Variants in ZDHHC20 observed in about 807,000 individuals in gnomAD.
ZDHHC20 encodes the protein palmitoyltransferase ZDHHC20.
ZDHHC20 carries 43 observed loss-of-function variants against 57.8 expected under a neutral mutation model. The ratio of observed to expected loss-of-function variants is 0.74; its 90% confidence interval spans 0.58 to 0.96. The LOEUF (loss-of-function observed/expected upper bound fraction) is 0.96. Ranked by LOEUF, ZDHHC20 falls within the 40% of genes least tolerant of loss-of-function variation. ZDHHC20 has a pLI of 0.00. For missense variants in ZDHHC20, 391 were observed against 441.1 expected (o/e 0.89, Z 1.02); for synonymous variants, 157 against 153.0 (o/e 1.03, Z -0.19).
chr13:21,405,453 A>T (rs1186452335), intron 4 of ZDHHC20, among the ~76,000 whole-genome samples: 1 of 152,206 alleles, frequency 6.6e-6, no homozygotes, highest in Admixed American at 6.5e-5. Context: ...CACATAAGAA[A>T]GCCAAGTTCT....
chr13:21,413,887 A>T, intron 3 of ZDHHC20, 115 bp from the exon 4 acceptor site: 4 of 747,168 alleles, frequency 5.4e-6, no homozygotes, highest in Non-Finnish European at 8.4e-6. Context: ...TGAAGACAAA[A>T]CTTGTCTTCA....
intron 7 of ZDHHC20, among the ~76,000 whole-genome samples, chr13:21,398,635 A>C (rs191533313): frequency 3.3e-5 from 5 of 152,366 alleles, no homozygotes; most frequent in African/African-American, 1.2e-4. Context: ...TCATACAGGA[A>C]TAACAATAGT....
intron 1 of ZDHHC20, among the ~76,000 whole-genome samples, chr13:21,429,078 C>T (rs1881623894): frequency 6.6e-6 from 1 of 152,084 alleles, no homozygotes; most frequent in East Asian, 1.9e-4. Flanking sequence ...CACTTCATTG[C>T]CCCCTTTTCT....
chr13:21,450,808 G>A (rs1198914265), intron 1 of ZDHHC20, among the ~76,000 whole-genome samples: 1 of 151,302 alleles, frequency 6.6e-6, no homozygotes, highest in Non-Finnish European at 1.5e-5. Flanking sequence ...AGGCTGGAGT[G>A]CAGTGGTGTG....
At chr13:21,380,976 C>T (rs1392534812) in intron 11 of ZDHHC20, among the ~76,000 whole-genome samples, 1 of 151,264 alleles carries the variant, frequency 6.6e-6, no homozygotes, top group Non-Finnish European at 1.5e-5. Flanking sequence ...ACACAAACAC[C>T]CTATATATAT....
intron 1 of ZDHHC20, among the ~76,000 whole-genome samples, chr13:21,434,447 C>T (rs957967562): frequency 2.0e-5 from 3 of 152,158 alleles, no homozygotes; most frequent in Non-Finnish European, 2.9e-5. Context: ...CATATAGTAT[C>T]CATTACAAAC....
At chr13:21,431,578 A>C (rs576558582) in intron 1 of ZDHHC20, among the ~76,000 whole-genome samples, 8 of 152,376 alleles carry the variant, frequency 5.3e-5, no homozygotes. Flanking sequence ...TGTATTTGGC[A>C]CAAAGTGTTT....
At chr13:21,428,591 T>A (rs1279826317) in intron 1 of ZDHHC20, among the ~76,000 whole-genome samples, 1 of 151,740 alleles carries the variant, frequency 6.6e-6, no homozygotes, top group Non-Finnish European at 1.5e-5. Context: ...CTGGGCGTGG[T>A]GGCTCATGCC....
At chr13:21,381,881 G>T in intron 10 of ZDHHC20, 1 of 557,168 alleles carries the variant, frequency 1.8e-6, no homozygotes, top group Non-Finnish European at 3.5e-6. Context: ...CTATATCTGT[G>T]GCCAGTACAA....
intron 9 of ZDHHC20, 30 bp from the exon 10 acceptor site, chr13:21,383,039 A>G (rs1298826737): frequency 6.5e-7 from 1 of 1,527,882 alleles, no homozygotes; most frequent in South Asian, 1.2e-5. Flanking sequence ...AATAATTTAA[A>G]TAATGTTAAG....
At chr13:21,387,714 C>T in intron 8 of ZDHHC20, 80 bp from the exon 9 acceptor site, 2 of 873,690 alleles carry the variant, frequency 2.3e-6, no homozygotes, top group Non-Finnish European at 3.1e-6. Context: ...AATTTTCTTG[C>T]TTATATCTTT....
At chr13:21,436,995 A>T (rs143356893) in intron 1 of ZDHHC20, among the ~76,000 whole-genome samples, 3 of 152,332 alleles carry the variant, frequency 2.0e-5, no homozygotes, top group East Asian at 1.9e-4. Flanking sequence ...AATTAATTTT[A>T]AAAAAAGTAC....
At chr13:21,443,397 C>A (rs1883369493) in intron 1 of ZDHHC20, among the ~76,000 whole-genome samples, 1 of 152,202 alleles carries the variant, frequency 6.6e-6, no homozygotes, top group Admixed American at 6.5e-5. Context: ...GCCTGTTATC[C>A]TCTGCAGAGT....
At chr13:21,424,633 C>A (rs1374811693) in intron 2 of ZDHHC20, among the ~76,000 whole-genome samples, 1 of 151,742 alleles carries the variant, frequency 6.6e-6, no homozygotes, top group African/African-American at 2.4e-5. Flanking sequence ...ATGGCGTGAA[C>A]CTGGGAGGCG....
intron 12 of ZDHHC20, 103 bp downstream of exon 12, chr13:21,378,558 T>G: frequency 1.8e-6 from 1 of 558,770 alleles, no homozygotes; most frequent in Non-Finnish European, 2.7e-6. Flanking sequence ...ATTTTGCTGA[T>G]ATAATTAAAA....
Position 21,387,538 on chromosome 13 carries a change from T to C in ZDHHC20, c.824A>G (p.Lys275Arg). The change falls in exon 9 of 13, where the codon AAG (lysine) becomes AGG (arginine). Residue 275 changes from lysine (K) to arginine (R), a missense_variant. Lys to Arg is a conservative substitution (Grantham distance 26). Transcript: ENST00000400590. Reference sequence around the variant, plus strand: ...AAATATTGGAAGTAGCCAATATTTCTTTTCATCACCAAAGACTTGTCTCCA... The same window carrying C: ...AAATATTGGAAGTAGCCAATATTTCCTTTCATCACCAAAGACTTGTCTCCA... ...KNWRQVFGDE[K>R]KYWLLPIFSS... is the part of the protein sequence containing the mutation. 6.5e-7 allele frequency: 1 copy of C among 1,536,306 alleles called. No individual in the cohort carries two copies. Among genetic ancestry groups the C allele is most frequent in the South Asian group, 1.2e-5 (1 of 80,204 alleles).
chr13:21,433,409 A>G (rs1882206843), intron 1 of ZDHHC20, among the ~76,000 whole-genome samples: 1 of 152,130 alleles, frequency 6.6e-6, no homozygotes, highest in South Asian at 2.1e-4. Context: ...TGAGGTCAGG[A>G]GATCGAGACC....
chr13:21,394,747 G>A (rs895081478), intron 7 of ZDHHC20, among the ~76,000 whole-genome samples: 5 of 152,132 alleles, frequency 3.3e-5, no homozygotes, highest in Non-Finnish European at 7.4e-5. Flanking sequence ...TAAATAAGGG[G>A]TATGGTTAGT....
At chr13:21,453,161 G>C (rs1438308725) in intron 1 of ZDHHC20, among the ~76,000 whole-genome samples, 3 of 152,168 alleles carry the variant, frequency 2.0e-5, no homozygotes, top group Non-Finnish European at 4.4e-5. Context: ...AGAAAGATTA[G>C]TGCCCATGTT....
Sources: gnomAD v4.1 joint callset for allele counts (sites outside exome capture counted in the v4.1 genomes callset) on GRCh38, gnomAD v4.1.1 for gene constraint, MANE v1.5 for transcripts, NCBI Gene and HGNC (gene_info 2026-07-23, HGNC 2026-07-21) for gene names.